PDE11A: variants seen among roughly 807,000 people sequenced by gnomAD.
PDE11A encodes the protein phosphodiesterase 11A.
A neutral mutation model predicts 100.5 loss-of-function variants in PDE11A; 100 were observed. That is an observed-to-expected ratio of 1.00 (90% CI 0.85 to 1.18). PDE11A has a LOEUF of 1.18. PDE11A is among the 50% of genes most tolerant of loss of function. The probability of loss-of-function intolerance (pLI) is 0.00; values close to 1 mark genes in which losing one functional copy is unlikely to be tolerated. For synonymous variants in PDE11A, 381 were observed against 420.8 expected, an observed-to-expected ratio of 0.91 and a Z score of 1.16; for missense variants, 1,141 against 1,152.6, an observed-to-expected ratio of 0.99 and a Z score of 0.15.
At chr2:177,968,233 C>A (rs2085723453) in intron 2 of PDE11A, among the ~76,000 whole-genome samples, 1 of 152,132 alleles carries the variant, frequency 6.6e-6, no homozygotes, top group Non-Finnish European at 1.5e-5. Context: ...GTAAGATATT[C>A]TTTTTTCTCC....
intron 18 of PDE11A, among the ~76,000 whole-genome samples, chr2:177,668,051 G>T (rs1306486231): frequency 6.6e-6 from 1 of 152,226 alleles, no homozygotes; most frequent in Non-Finnish European, 1.5e-5. Flanking sequence ...CCCCTGAGGA[G>T]ATGGTCATCA....
chr2:178,017,955 C>CA (rs1384094535), intron 1 of PDE11A: 12 of 153,646 alleles, frequency 7.8e-5, no homozygotes, highest in Admixed American at 3.3e-4. Flanking sequence ...GACTCCGTCT[C>CA]AAAAAAAAGA....
At chr2:177,964,542 C>A (rs902207950) in intron 2 of PDE11A, among the ~76,000 whole-genome samples, 1 of 152,106 alleles carries the variant, frequency 6.6e-6, no homozygotes, top group Non-Finnish European at 1.5e-5. Context: ...CTCTTCCAAC[C>A]CTTCACCCTC....
At chr2:178,104,537 G>T in intron 1 of PDE11A, 2 of 1,419,934 alleles carry the variant, frequency 1.4e-6, no homozygotes, top group Non-Finnish European at 2.0e-6. Context: ...TTCAAAGCCG[G>T]GGAGAAAAAA....
intron 1 of PDE11A, among the ~76,000 whole-genome samples, chr2:178,051,477 TAATGAC>T (rs1047259218): frequency 1.3e-5 from 2 of 152,170 alleles, no homozygotes; most frequent in African/African-American, 4.8e-5. Flanking sequence ...GCTAACATCA[TAATGAC>T]AGGATCAAAT....
At chr2:177,807,433 AT>A (rs2082889081) in intron 9 of PDE11A, among the ~76,000 whole-genome samples, 1 of 151,808 alleles carries the variant, frequency 6.6e-6, no homozygotes, top group East Asian at 1.9e-4. Flanking sequence ...ATTTTATTTT[AT>A]TTTTTTGAGA....
intron 15 of PDE11A, among the ~76,000 whole-genome samples, chr2:177,692,386 A>AT (rs2105524665): frequency 6.6e-6 from 1 of 152,282 alleles, no homozygotes; most frequent in African/African-American, 2.4e-5. Context: ...TGGCTGAGTG[A>AT]TTCCTTTTTT....
chr2:177,685,466 T>C (rs574218568), intron 15 of PDE11A, among the ~76,000 whole-genome samples: 3 of 152,380 alleles, frequency 2.0e-5, no homozygotes, highest in South Asian at 2.1e-4. Context: ...ATGTTCACTA[T>C]AGGGAACATA....
intron 2 of PDE11A, among the ~76,000 whole-genome samples, chr2:177,935,835 C>T (rs1298149864): frequency 6.6e-6 from 1 of 152,168 alleles, no homozygotes; most frequent in Non-Finnish European, 1.5e-5. Flanking sequence ...TAATAGGGAT[C>T]TTAGCCCCAG....
At chr2:177,985,395 A>C (rs1365606526) in intron 2 of PDE11A, among the ~76,000 whole-genome samples, 1 of 152,174 alleles carries the variant, frequency 6.6e-6, no homozygotes, top group Non-Finnish European at 1.5e-5. Flanking sequence ...ACCTCCAGCT[A>C]TTTCATTTAA....
At chr2:177,746,826 T>C (rs1385837425) in intron 10 of PDE11A, among the ~76,000 whole-genome samples, 3 of 152,024 alleles carry the variant, frequency 2.0e-5, no homozygotes, top group Non-Finnish European at 4.4e-5. Flanking sequence ...AAAAAGATGG[T>C]GAGAATGAAA....
chr2:177,670,381 ATTT>A (rs71010814), intron 17 of PDE11A, among the ~76,000 whole-genome samples: 1 of 151,254 alleles, frequency 6.6e-6, no homozygotes, highest in South Asian at 2.1e-4. Flanking sequence ...AGCTAAACAG[ATTT>A]TTTTTTTTCT....
At position 177,624,457 on chromosome 2, in the gene PDE11A, G is replaced by T. The variant is rs547601123; in HGVS notation, c.*4950C>A. 2 of 152,218 alleles carry T rather than the reference G, an allele frequency of 1.3e-5. No homozygotes were observed. Among genetic ancestry groups the T allele is most frequent in the East Asian group, 3.9e-4 (2 of 5,184 alleles). 9.4% of individuals were successfully genotyped at this position (152,218 alleles called of 1,614,324 possible). ...ATTTTACTGCAGAATAAATTGGGCAGATTCTGTTTAATTACCTAGTGTTAA... is the reference window on the plus strand; with the variant it reads ...ATTTTACTGCAGAATAAATTGGGCATATTCTGTTTAATTACCTAGTGTTAA... On this transcript the variant is annotated 3_prime_UTR_variant, in exon 20 of 20. Coordinates refer to ENST00000286063, the MANE Select transcript of PDE11A (RefSeq NM_016953.4).
At chr2:177,744,551 A>C (rs1273324462) in intron 10 of PDE11A, among the ~76,000 whole-genome samples, 1 of 152,110 alleles carries the variant, frequency 6.6e-6, no homozygotes, top group Non-Finnish European at 1.5e-5. Flanking sequence ...ATCACTATCT[A>C]TCAGGTGGTT....
chr2:177,787,612 A>G (rs1350569006), intron 9 of PDE11A, among the ~76,000 whole-genome samples: 1 of 150,952 alleles, frequency 6.6e-6, no homozygotes, highest in Non-Finnish European at 1.5e-5. Flanking sequence ...TAAAGAGTCA[A>G]GACCCATCAG....
chr2:177,698,618 G>A (rs1057387840), intron 14 of PDE11A: 4 of 151,858 alleles, frequency 2.6e-5, no homozygotes, highest in African/African-American at 9.7e-5. Flanking sequence ...AGCAAATTAC[G>A]TCTTACCAGG....
intron 19 of PDE11A, among the ~76,000 whole-genome samples, chr2:177,643,773 C>T (rs1030090802): frequency 2.3e-4 from 35 of 152,172 alleles, no homozygotes; most frequent in African/African-American, 7.2e-4. Flanking sequence ...AAAATGGCTT[C>T]GTGGGCCAAG....
chr2:177,761,755 G>A (rs77948986), intron 10 of PDE11A, among the ~76,000 whole-genome samples: 1 of 152,128 alleles, frequency 6.6e-6, no homozygotes, highest in African/African-American at 2.4e-5. Context: ...AAAAGGACAG[G>A]GAATGGGCAG....
At chr2:178,049,371 A>G (rs6709256) in intron 1 of PDE11A, among the ~76,000 whole-genome samples, 44,235 of 152,112 alleles carry the variant, frequency 0.29, 6,590 homozygotes, top group Non-Finnish European at 0.31. Flanking sequence ...TTGGGGGGGA[A>G]GTTCCAAGGT....
Sources: allele counts gnomAD v4.1 joint callset (sites outside exome capture counted in the v4.1 genomes callset), GRCh38; gene constraint gnomAD v4.1.1; transcripts MANE v1.5; gene names NCBI Gene and HGNC (gene_info 2026-07-23, HGNC 2026-07-21).